OARD1: variants seen among roughly 807,000 people sequenced by gnomAD.
The protein encoded by OARD1 is O-acyl-ADP-ribose deacylase 1.
OARD1 carries 19 observed loss-of-function variants against 19.7 expected under a neutral mutation model. The ratio of observed to expected loss-of-function variants is 0.96; its 90% CI spans 0.67 to 1.41. OARD1 has a LOEUF of 1.41. OARD1 is among the 40% of genes most tolerant of loss of function. The pLI, the probability that OARD1 is intolerant of heterozygous loss-of-function variation, is 0.00. For synonymous variants in OARD1, 70 were observed against 61.8 expected, an observed-to-expected ratio of 1.13 and a Z score of -0.62; for missense variants, 190 against 183.8, an observed-to-expected ratio of 1.03 and a Z score of -0.20.
At chr6:41,077,606 G>A (rs1299549722) in intron 1 of OARD1, among the ~76,000 whole-genome samples, 1 of 152,210 alleles carries the variant, frequency 6.6e-6, no homozygotes, top group African/African-American at 2.4e-5. Context: ...CAGACTCACA[G>A]TCTGGCTGAA....
intron 1 of OARD1, chr6:41,093,148 T>C (rs1764239902): frequency 2.8e-6 from 4 of 1,448,888 alleles, no homozygotes; most frequent in South Asian, 1.3e-5. Flanking sequence ...TTTGAAATTA[T>C]CTTTTATATG....
chr6:41,073,239 G>A (rs571283013), upstream of OARD1, among the ~76,000 whole-genome samples: 1 of 151,274 alleles, frequency 6.6e-6, no homozygotes, highest in African/African-American at 2.4e-5. Flanking sequence ...GCCCCGGCCC[G>A]GGGCCTGCGA....
intron 1 of OARD1, among the ~76,000 whole-genome samples, chr6:41,077,932 T>C (rs768339845): frequency 2.0e-5 from 3 of 152,130 alleles, no homozygotes; most frequent in Non-Finnish European, 4.4e-5. Context: ...GTTGATTAAT[T>C]TTTATTTTGA....
At chr6:41,076,264 A>G (rs987105815), upstream of OARD1, among the ~76,000 whole-genome samples, 2 of 152,198 alleles carry the variant, frequency 1.3e-5, no homozygotes, top group African/African-American at 4.8e-5. Context: ...AAAGAATAGA[A>G]AATACCAAAG....
At chr6:41,076,627 A>G (rs1763739507), upstream of OARD1, among the ~76,000 whole-genome samples, 1 of 152,236 alleles carries the variant, frequency 6.6e-6, no homozygotes. Context: ...AGAATGCACT[A>G]GGAAGAGAAT....
intron 4 of OARD1, 146 bp from the exon 5 acceptor site, chr6:41,069,099 C>T: frequency 1.9e-6 from 1 of 537,788 alleles, no homozygotes; most frequent in Middle Eastern, 4.8e-4. Flanking sequence ...GTCATATTGC[C>T]CTTTCCACAC....
At chr6:41,091,698 A>T in intron 1 of OARD1, 1 of 1,607,082 alleles carries the variant, frequency 6.2e-7, no homozygotes. Flanking sequence ...GGTCATGGTA[A>T]GAAAATGTAT....
chr6:41,069,751 ATTGTTT>A, intron 4 of OARD1: 1 of 324,416 alleles, frequency 3.1e-6, no homozygotes, highest in Non-Finnish European at 5.7e-6. Context: ...TTGAGACATT[ATTGTTT>A]TTATCTCACT....
intron 1 of OARD1, 62 bp from the exon 2 acceptor site, chr6:41,071,737 G>T: frequency 1.1e-6 from 1 of 938,210 alleles, no homozygotes; most frequent in Non-Finnish European, 1.7e-6. Flanking sequence ...TATTCTGATT[G>T]CCCTGTACAA....
At chr6:41,074,110 T>A (rs1763656677), upstream of OARD1, among the ~76,000 whole-genome samples, 1 of 152,246 alleles carries the variant, frequency 6.6e-6, no homozygotes, top group South Asian at 2.1e-4. Context: ...TTTGGGGGTT[T>A]TTTTTCCCTT....
intron 1 of OARD1, among the ~76,000 whole-genome samples, chr6:41,078,748 T>C (rs1303719580): frequency 6.6e-6 from 1 of 152,206 alleles, no homozygotes; most frequent in East Asian, 1.9e-4. Flanking sequence ...CAAAGTGATG[T>C]AGCTTAACGA....
At position 41,067,329 on chromosome 6, in the gene OARD1, A is replaced by G. The variant is rs764724990; in HGVS notation, c.*6T>C. The G allele has an allele frequency of 6.3e-7, 1 of 1,576,710 alleles. No individual in the cohort carries two copies. Among genetic ancestry groups the G allele is most frequent in the South Asian group, 1.1e-5 (1 of 90,010 alleles). The stretch of plus-strand genomic sequence containing the variant: ...GAACACGGAAACATCCAAAATGTTC[A>G]CTGGTTCAGAGTGTGTACACAGTAA... On this transcript the variant is annotated 3_prime_UTR_variant, in exon 6 of 6. Coordinates refer to ENST00000424266, the MANE Select transcript of OARD1 (RefSeq NM_001329686.2).
chr6:41,065,941 G>A lies in OARD1; in HGVS notation c.*1394C>T, dbSNP rs754308912. The A allele has an allele frequency of 6.6e-6, 1 of 152,144 alleles. No individual in the cohort carries two copies. The highest frequency in any genetic ancestry group is 1.5e-5 in the Non-Finnish European group (1 of 68,030). 9.4% of individuals were successfully genotyped at this position (152,144 alleles called of 1,614,324 possible). On this transcript the variant is annotated 3_prime_UTR_variant, in exon 6 of 6. Transcript: ENST00000424266. ...AAAACAAGAAAATGTCTAGTTTCCC[G>A]AATAGCTCTGATACTGAACCATTGG...
Position 41,091,602 on chromosome 6 carries a change from G to T in OARD1, c.-42+6111C>A, listed in dbSNP as rs374323132. 102 of 1,614,094 alleles carry T rather than the reference G, an allele frequency of 6.3e-5. No individual in the cohort carries two copies. Among genetic ancestry groups the T allele is most frequent in the Non-Finnish European group, 8.5e-5 (100 of 1,180,036 alleles). ...AGGAGCACAGATTGTTCAAACAGGA[G>T]CCAATACCAACACAACCAGCAGTGG... On this transcript the variant is annotated intron_variant, in intron 1 of 4. Transcript: ENST00000480585.
chr6:41,083,687 C>G (rs543481762), intron 1 of OARD1, among the ~76,000 whole-genome samples: 1 of 152,196 alleles, frequency 6.6e-6, no homozygotes, highest in Admixed American at 6.5e-5. Context: ...TTCTCTCCAG[C>G]CTTCACTACA....
chr6:41,070,958 G>A (rs890477579), intron 3 of OARD1, 174 bp downstream of exon 3: 1 of 651,536 alleles, frequency 1.5e-6, no homozygotes, highest in Admixed American at 2.7e-5. Context: ...ACCTTCACAG[G>A]AGTTGGGTTT....
chr6:41,092,485 C>G (rs900397682), intron 1 of OARD1, among the ~76,000 whole-genome samples: 1 of 152,144 alleles, frequency 6.6e-6, no homozygotes, highest in Non-Finnish European at 1.5e-5. Context: ...ACATTTAGTA[C>G]AGTGTTTTGG....
intron 3 of OARD1, 91 bp downstream of exon 3, chr6:41,071,041 T>TC: frequency 7.7e-7 from 1 of 1,305,208 alleles, no homozygotes. Flanking sequence ...TTCTTAGGAA[T>TC]CCCCTCTTTA....
At chr6:41,076,791 C>T (rs927505610), upstream of OARD1, among the ~76,000 whole-genome samples, 2 of 152,190 alleles carry the variant, frequency 1.3e-5, no homozygotes, top group Non-Finnish European at 2.9e-5. Flanking sequence ...GAAAGACTAT[C>T]GAATTGTATT....
Sources: gnomAD v4.1 joint callset for allele counts (sites outside exome capture counted in the v4.1 genomes callset) on GRCh38, gnomAD v4.1.1 for gene constraint, MANE v1.5 for transcripts, NCBI Gene and HGNC (gene_info 2026-07-23, HGNC 2026-07-21) for gene names.